Variants in GRIP1 observed in about 807,000 individuals in gnomAD.
The protein encoded by GRIP1 is glutamate receptor-interacting protein 1.
Under a neutral mutation model 129.9 loss-of-function variants are expected in GRIP1, and 45 were observed. The observed-to-expected ratio is 0.35, with a 90% confidence interval of 0.27 to 0.44. The LOEUF is 0.44. GRIP1 is among the 20% of genes least tolerant of loss of function. The probability of loss-of-function intolerance (pLI) is 1.00; values close to 1 mark genes in which losing one functional copy is unlikely to be tolerated. For synonymous variants in GRIP1, 530 were observed against 520.8 expected (o/e 1.02, Z -0.24); for missense variants, 1,196 against 1,396.8 (o/e 0.86, Z 2.29).
At chr12:66,386,859 T>C (rs1249655252) in intron 19 of GRIP1, among the ~76,000 whole-genome samples, 1 of 152,182 alleles carries the variant, frequency 6.6e-6, no homozygotes, top group Non-Finnish European at 1.5e-5. Context: ...CCAAGAAATA[T>C]TCAAAGTATT....
At chr12:67,014,003 G>C (rs190640173) in intron 1 of GRIP1, among the ~76,000 whole-genome samples, 1 of 152,154 alleles carries the variant, frequency 6.6e-6, no homozygotes, top group Admixed American at 6.6e-5. Context: ...GTGCAAACTG[G>C]CTGGCAAGAT....
intron 1 of GRIP1, among the ~76,000 whole-genome samples, chr12:66,912,027 C>T (rs1404255081): frequency 3.3e-5 from 5 of 152,196 alleles, no homozygotes; most frequent in Non-Finnish European, 5.9e-5. Context: ...TTACCTACAT[C>T]TCTGGATTTC....
intron 16 of GRIP1, among the ~76,000 whole-genome samples, chr12:66,404,852 C>T (rs1253145005): frequency 6.6e-6 from 1 of 151,978 alleles, no homozygotes; most frequent in Non-Finnish European, 1.5e-5. Context: ...GCCAACATGG[C>T]AAAACTCCAT....
intron 1 of GRIP1, among the ~76,000 whole-genome samples, chr12:66,780,113 A>T (rs12829886): frequency 0.35 from 53,406 of 152,020 alleles, 9,551 homozygotes; most frequent in Non-Finnish European, 0.4. Flanking sequence ...ATAAAAACAG[A>T]GCAACTAGTT....
chr12:66,804,750 T>C (rs761918362), upstream of GRIP1, among the ~76,000 whole-genome samples: 33 of 152,302 alleles, frequency 2.2e-4, no homozygotes, highest in South Asian at 1.5e-3. Context: ...TCTCAAAACA[T>C]GTGCTTGGGA....
chr12:66,980,596 C>A (rs192185954), intron 1 of GRIP1, among the ~76,000 whole-genome samples: 5 of 152,266 alleles, frequency 3.3e-5, no homozygotes, highest in African/African-American at 9.6e-5. Flanking sequence ...GGCAACAGAG[C>A]GAGACTCCGT....
chr12:66,950,221 T>C (rs775214521), intron 1 of GRIP1, among the ~76,000 whole-genome samples: 3 of 152,162 alleles, frequency 2.0e-5, no homozygotes, highest in Non-Finnish European at 4.4e-5. Flanking sequence ...TGATTTTAGA[T>C]ACAAAAATAA....
At chr12:66,475,381 G>C (rs992254783) in intron 7 of GRIP1, among the ~76,000 whole-genome samples, 25 of 151,944 alleles carry the variant, frequency 1.6e-4, no homozygotes, top group African/African-American at 5.8e-4. Context: ...ATAATAGTGG[G>C]AGACTTTAAC....
intron 1 of GRIP1, among the ~76,000 whole-genome samples, chr12:66,718,156 G>GCT (rs2035950146): frequency 6.6e-6 from 1 of 152,014 alleles, no homozygotes; most frequent in African/African-American, 2.4e-5. Flanking sequence ...CTCCTCCCCG[G>GCT]CTGCAATGAT....
At chr12:66,632,572 A>T (rs1283515268) in intron 1 of GRIP1, among the ~76,000 whole-genome samples, 1 of 152,128 alleles carries the variant, frequency 6.6e-6, no homozygotes, top group Non-Finnish European at 1.5e-5. Flanking sequence ...TCTAATGAAC[A>T]CTTTCCTTAT....
intron 7 of GRIP1, among the ~76,000 whole-genome samples, chr12:66,487,032 C>A (rs1386945836): frequency 6.6e-6 from 1 of 152,066 alleles, no homozygotes. Flanking sequence ...CTCAAGTGAT[C>A]CTCCCAACTC....
intron 1 of GRIP1, among the ~76,000 whole-genome samples, chr12:66,876,386 AGGTAC>A (rs748654112): frequency 6.6e-6 from 1 of 152,058 alleles, no homozygotes; most frequent in Non-Finnish European, 1.5e-5. Context: ...CCTATGAGTT[AGGTAC>A]TACTACTCTT....
chr12:66,391,058 TG>T (rs1307573272), intron 19 of GRIP1, among the ~76,000 whole-genome samples: 1 of 152,222 alleles, frequency 6.6e-6, no homozygotes, highest in Non-Finnish European at 1.5e-5. Context: ...TTTTGTTTTT[TG>T]TTCACCAGAG....
intron 1 of GRIP1, among the ~76,000 whole-genome samples, chr12:66,616,579 T>A (rs961017424): frequency 6.6e-6 from 1 of 152,124 alleles, no homozygotes; most frequent in African/African-American, 2.4e-5. Flanking sequence ...TATCTCTTTG[T>A]TTTTGTTTTT....
intron 19 of GRIP1, among the ~76,000 whole-genome samples, chr12:66,381,152 A>T (rs1450489663): frequency 6.6e-6 from 1 of 152,290 alleles, no homozygotes; most frequent in South Asian, 2.1e-4. Context: ...AATGCCTACC[A>T]CCACATGATG....
At chr12:66,814,507 A>G (rs927948920) in intron 1 of GRIP1, among the ~76,000 whole-genome samples, 3 of 151,526 alleles carry the variant, frequency 2.0e-5, no homozygotes, top group Non-Finnish European at 2.9e-5. Context: ...AGTCTAACAT[A>G]TATTTGTCCC....
chr12:66,423,727 T>C (rs1213240237), intron 14 of GRIP1, among the ~76,000 whole-genome samples: 2 of 152,196 alleles, frequency 1.3e-5, no homozygotes, highest in African/African-American at 4.8e-5. Context: ...GAAATAGTTT[T>C]CTCTCTTCTG....
rs915186193 is a variant in GRIP1, at chr12:67,058,151, A to G, written c.58+10899T>C. Among the ~76,000 whole-genome samples, 5 of 152,350 alleles carry G rather than the reference A, an allele frequency of 3.3e-5. No individual in the cohort carries two copies. In the South Asian group the frequency reaches 8.3e-4, roughly 25 times the overall value. On this transcript the variant is annotated intron_variant, in intron 1 of 1. Transcript: ENST00000643019. ...GAAGGAAACCATTCACAGATTATAT[A>G]CCAGAATAAACAAATAAATACCTAT...
At chr12:66,736,300 C>T (rs1311878316) in intron 1 of GRIP1, among the ~76,000 whole-genome samples, 1 of 145,956 alleles carries the variant, frequency 6.9e-6, no homozygotes, top group African/African-American at 2.5e-5. Context: ...TTACCTCAAC[C>T]TCCCAAGTTG....
Sources: allele counts gnomAD v4.1 joint callset (sites outside exome capture counted in the v4.1 genomes callset), GRCh38; gene constraint gnomAD v4.1.1; transcripts MANE v1.5; gene names NCBI Gene and HGNC (gene_info 2026-07-23, HGNC 2026-07-21).